Variants in DLC1 observed in about 807,000 individuals in gnomAD.
The protein encoded by DLC1 is rho GTPase-activating protein 7.
DLC1 carries 54 observed loss-of-function variants against 140.3 expected under a neutral mutation model. That is an observed-to-expected ratio of 0.38 (90% CI 0.31 to 0.48). DLC1 has a LOEUF of 0.48. Ranked by LOEUF, DLC1 falls within the 20% of genes least tolerant of loss-of-function variation. The pLI is 0.96. For missense variants in DLC1, 2,536 were observed against 1,907.0 expected, an observed-to-expected ratio of 1.33 and a Z score of -6.14; for synonymous variants, 986 against 728.1, an observed-to-expected ratio of 1.35 and a Z score of -5.70.
intron 5 of DLC1, among the ~76,000 whole-genome samples, chr8:13,144,337 C>A (rs1422255153): frequency 6.6e-6 from 1 of 152,198 alleles, no homozygotes; most frequent in Non-Finnish European, 1.5e-5. Flanking sequence ...AGAGTTACCA[C>A]TGTCAGATTC....
intron 5 of DLC1, among the ~76,000 whole-genome samples, chr8:13,295,758 A>C (rs1250621700): frequency 6.6e-6 from 1 of 152,088 alleles, no homozygotes; most frequent in Non-Finnish European, 1.5e-5. Flanking sequence ...AGCTTGTTAC[A>C]TGTAACTTTC....
chr8:13,117,916 T>C (rs1820703508), intron 5 of DLC1, among the ~76,000 whole-genome samples: 1 of 152,232 alleles, frequency 6.6e-6, no homozygotes, highest in Non-Finnish European at 1.5e-5. Context: ...TTATATTTTT[T>C]ATATAATAAC....
chr8:13,142,123 G>C (rs1366207910), intron 5 of DLC1, among the ~76,000 whole-genome samples: 1 of 152,220 alleles, frequency 6.6e-6, no homozygotes, highest in Non-Finnish European at 1.5e-5. Flanking sequence ...TTGTGAAGAA[G>C]TTACTTGCTT....
chr8:13,319,447 T>C (rs1327325581), intron 4 of DLC1, among the ~76,000 whole-genome samples: 1 of 131,826 alleles, frequency 7.6e-6, no homozygotes, highest in Non-Finnish European at 1.6e-5. Context: ...TAATCCCCAG[T>C]GCTGGAGGAG....
chr8:13,207,489 C>T (rs528385684), intron 5 of DLC1, among the ~76,000 whole-genome samples: 3 of 152,246 alleles, frequency 2.0e-5, no homozygotes, highest in African/African-American at 7.2e-5. Flanking sequence ...AAAGCAACTT[C>T]AAGCATATTC....
In DLC1 at chr8:13,453,502, G is replaced by A. The variant is rs376062959; in HGVS notation, c.1023+45547C>T. Among the ~76,000 whole-genome samples, 65 of 17,274 alleles carry A rather than the reference G, an allele frequency of 3.8e-3. 9 individuals carry two copies. Among genetic ancestry groups the A allele is most frequent in the African/African-American group, 0.018 (56 of 3,072 alleles). 11.3% of individuals were successfully genotyped at this position (17,274 alleles called of 152,430 possible). ...TATGTATATATATACATATATATAT[G>A]TATATATATATACATATATATATAT... On this transcript the variant is annotated intron_variant, in intron 2 of 17. Coordinates refer to ENST00000276297, the MANE Select transcript of DLC1 (RefSeq NM_182643.3).
chr8:13,131,294 G>A (rs767761265), intron 5 of DLC1, among the ~76,000 whole-genome samples: 19 of 152,100 alleles, frequency 1.2e-4, no homozygotes, highest in Non-Finnish European at 2.5e-4. Flanking sequence ...GAGGGCTGCA[G>A]TCTGCTGGAC....
chr8:13,405,003 A>G (rs947237921), intron 2 of DLC1, among the ~76,000 whole-genome samples: 2 of 151,704 alleles, frequency 1.3e-5, no homozygotes, highest in African/African-American at 4.8e-5. Context: ...GTGAAACTCC[A>G]TCTCAGATAA....
At chr8:13,567,337 G>C (rs1434249959) in intron 1 of DLC1, 1 of 1,551,588 alleles carries the variant, frequency 6.4e-7, no homozygotes, top group South Asian at 1.2e-5. Context: ...TCGGGTATCA[G>C]ATGAAGAATT....
At chr8:13,389,014 C>T (rs1183934247) in intron 4 of DLC1, among the ~76,000 whole-genome samples, 2 of 151,920 alleles carry the variant, frequency 1.3e-5, no homozygotes, top group Non-Finnish European at 2.9e-5. Context: ...TAAAGTATAG[C>T]GTTCAGGAGC....
At chr8:13,231,613 T>C (rs191577958) in intron 5 of DLC1, among the ~76,000 whole-genome samples, 17 of 152,248 alleles carry the variant, frequency 1.1e-4, no homozygotes, top group African/African-American at 4.1e-4. Context: ...CATATTCTTG[T>C]GCATTGCAAG....
At chr8:13,467,308 G>C (rs573479500) in intron 2 of DLC1, among the ~76,000 whole-genome samples, 1 of 152,280 alleles carries the variant, frequency 6.6e-6, no homozygotes, top group South Asian at 2.1e-4. Context: ...TCAAGTTGAA[G>C]AGAGACAATG....
chr8:13,180,874 A>G (rs997988216), intron 5 of DLC1, among the ~76,000 whole-genome samples: 4 of 152,228 alleles, frequency 2.6e-5, no homozygotes, highest in African/African-American at 9.6e-5. Context: ...ACTATCAGAC[A>G]TAAAGTATAT....
At chr8:13,173,137 T>C (rs1825574189) in intron 5 of DLC1, among the ~76,000 whole-genome samples, 1 of 152,206 alleles carries the variant, frequency 6.6e-6, no homozygotes, top group African/African-American at 2.4e-5. Flanking sequence ...CTTGAATAGC[T>C]TGAAGTAGAC....
At chr8:13,466,480 C>T (rs1222246867) in intron 2 of DLC1, among the ~76,000 whole-genome samples, 2 of 152,196 alleles carry the variant, frequency 1.3e-5, no homozygotes, top group Non-Finnish European at 2.9e-5. Context: ...AGAGAACACA[C>T]GTTAGACAAG....
chr8:13,382,988 A>G (rs902958173), intron 4 of DLC1, among the ~76,000 whole-genome samples: 1 of 152,254 alleles, frequency 6.6e-6, no homozygotes, highest in Non-Finnish European at 1.5e-5. Context: ...AAGAGATCAT[A>G]TGAGCAGAAA....
At chr8:13,291,634 C>G (rs1256711204) in intron 5 of DLC1, among the ~76,000 whole-genome samples, 1 of 151,912 alleles carries the variant, frequency 6.6e-6, no homozygotes, top group Non-Finnish European at 1.5e-5. Flanking sequence ...GTGACATGGA[C>G]AGTAATAAAT....
At chr8:13,200,611 T>TG (rs991491011) in intron 5 of DLC1, among the ~76,000 whole-genome samples, 5 of 150,992 alleles carry the variant, frequency 3.3e-5, no homozygotes, top group Admixed American at 6.6e-5. Flanking sequence ...TGTGTGTGTG[T>TG]TTTTTTTTAG....
At chr8:13,261,477 G>T (rs544901656) in intron 5 of DLC1, among the ~76,000 whole-genome samples, 1 of 152,236 alleles carries the variant, frequency 6.6e-6, no homozygotes, top group South Asian at 2.1e-4. Context: ...TTGAGTTGAG[G>T]AGTGACAGGA....
Sources: gnomAD v4.1 joint callset for allele counts (sites outside exome capture counted in the v4.1 genomes callset) on GRCh38, gnomAD v4.1.1 for gene constraint, MANE v1.5 for transcripts, NCBI Gene and HGNC (gene_info 2026-07-23, HGNC 2026-07-21) for gene names.